The following PKP2 variants were observed in gnomAD, a reference collection of about 807,000 sequenced individuals.
PKP2 encodes plakophilin 2, also known as plakophilin-2.
A neutral mutation model predicts 83.4 loss-of-function variants in PKP2; 73 were observed. The observed-to-expected ratio is 0.88, with a 90% CI of 0.72 to 1.06. PKP2 has a LOEUF of 1.06. Among genes scored for constraint, PKP2 ranks in the 50% least tolerant of loss-of-function variants. The pLI, the probability that PKP2 is intolerant of heterozygous loss-of-function variation, is 0.00. For synonymous variants in PKP2, 409 were observed against 430.4 expected (o/e 0.95, Z 0.62); for missense variants, 966 against 1,065.4 (o/e 0.91, Z 1.30).
chr12:32,831,110 T>C lies in PKP2; in HGVS notation c.1557-6948A>G, dbSNP rs181357077. 1.3e-3 allele frequency among the ~76,000 whole-genome samples: 197 copies of C among 152,284 alleles called. 1 individual carries two copies. Among genetic ancestry groups the C allele is most frequent in the Admixed American group, 2.1e-3 (32 of 15,294 alleles). On this transcript the variant is annotated intron_variant, in intron 6 of 12. Transcript: ENST00000340811. ...ACAGCAAACTATAATTTTAAAAATA[T>C]ACCTAAGAGCTATTGCAACTTGAAT... is the stretch of plus-strand genomic sequence containing the variant.
rs1244391997 is a variant in PKP2, at chr12:32,791,768, CTTT to C, written c.*653_*655del. 6.6e-6 allele frequency: 1 copy of C among 152,082 alleles called. No homozygotes were observed. The highest frequency in any genetic ancestry group is 1.5e-5 in the Non-Finnish European group (1 of 68,010). 9.4% of individuals were successfully genotyped at this position (152,082 alleles called of 1,614,324 possible). A position where few individuals can be genotyped will look rare whatever the true frequency, so the allele number is the denominator to read the frequency against. On this transcript the variant is annotated 3_prime_UTR_variant, in exon 13 of 13. Transcript: ENST00000340811. ...TTTAAGTTCTGGGAGGAAAAGACTT[CTTT>C]AATTTGCTATGATCACTTCCTCTCA...
At chr12:32,810,581 G>GTTTC (rs1956267739) in intron 9 of PKP2, among the ~76,000 whole-genome samples, 1 of 151,738 alleles carries the variant, frequency 6.6e-6, no homozygotes. Flanking sequence ...TAAGAAAAGT[G>GTTTC]TTTTTTTAAT....
chr12:32,879,150 G>T, intron 1 of PKP2, 118 bp from the exon 2 acceptor site: 3 of 703,064 alleles, frequency 4.3e-6, no homozygotes, highest in Non-Finnish European at 7.8e-6. Context: ...CCAAGAACAA[G>T]TATTAAACGT....
At chr12:32,821,282 C>T (rs773390734) in intron 9 of PKP2, 74 bp downstream of exon 9, 69 of 1,307,470 alleles carry the variant, frequency 5.3e-5, no homozygotes, top group Non-Finnish European at 7.4e-5. Context: ...CTCACTGTTT[C>T]ATCTCTGAAT....
intron 6 of PKP2, among the ~76,000 whole-genome samples, chr12:32,839,976 C>T (rs1361471293): frequency 6.6e-6 from 1 of 152,206 alleles, no homozygotes; most frequent in Non-Finnish European, 1.5e-5. Flanking sequence ...TAGTGCCCTT[C>T]TGATCTCACC....
chr12:32,871,182 C>G (rs556393891), intron 3 of PKP2, among the ~76,000 whole-genome samples: 30 of 152,096 alleles, frequency 2.0e-4, no homozygotes, highest in Non-Finnish European at 4.0e-4. Flanking sequence ...TAATCCTTCT[C>G]TAAACACTGC....
rs768808114 is a variant in PKP2, at chr12:32,792,684, G to A, written c.2405C>T (p.Ser802Phe). The change falls in exon 12 of 13, where the codon TCT becomes TTT. Residue 802 changes from serine to phenylalanine, a missense_variant. Coordinates refer to ENST00000340811, the MANE Select transcript of PKP2 (RefSeq NM_001005242.3). ...ASKAASVLLY[S>F]LWAHTELHHA... ...ATGCAGTTCCGTGTGTGCCCACAGA[G>A]AATACAGAAGGACGGAAGCAGCTTT... The A allele has an allele frequency of 4.3e-6, 7 of 1,614,114 alleles. No individual in the cohort carries two copies. The East Asian group carries it at 1.3e-4, about 31-fold the overall frequency.
At position 32,840,994 on chromosome 12, in the gene PKP2, A is replaced by G. The variant is rs1203709678; in HGVS notation, c.1556+34T>C. On this transcript the variant is annotated intron_variant, in intron 6 of 12. Transcript: ENST00000340811. ...TTGGGGCTACCTAATTTTTTATTGCATCTTCTATCAGGGCAGGGTACAGGT... is the reference window on the plus strand; with the variant it reads ...TTGGGGCTACCTAATTTTTTATTGCGTCTTCTATCAGGGCAGGGTACAGGT... 1.9e-6 allele frequency: 3 copies of G among 1,566,964 alleles called. No individual in the cohort carries two copies. The Admixed American group carries it at 5.0e-5, about 26-fold the overall frequency.
rs2137996092 is a variant in PKP2, at chr12:32,892,212, T to A, written c.223+4297A>T. Among the ~76,000 whole-genome samples, 3 of 152,248 alleles carry A rather than the reference T, an allele frequency of 2.0e-5. No individual in the cohort carries two copies. The South Asian group carries it at 6.2e-4, about 32-fold the overall frequency. ...TCCTTTTTGTCAAAGGAAGAATTTATGCAGAATTTGAACAATGTCTAACTT... is the reference window on the plus strand; with the variant it reads ...TCCTTTTTGTCAAAGGAAGAATTTAAGCAGAATTTGAACAATGTCTAACTT... On this transcript the variant is annotated intron_variant, in intron 1 of 12. Coordinates refer to ENST00000340811, the MANE Select transcript of PKP2 (RefSeq NM_001005242.3).
At chr12:32,868,879 G>C (rs761005380) in intron 4 of PKP2, 48 bp downstream of exon 4, 2 of 1,588,018 alleles carry the variant, frequency 1.3e-6, no homozygotes, top group South Asian at 1.1e-5. Flanking sequence ...CACCATAATA[G>C]AAGTGAAAGT....
At chr12:32,885,107 A>T (rs771284275) in intron 1 of PKP2, among the ~76,000 whole-genome samples, 6 of 152,196 alleles carry the variant, frequency 3.9e-5, no homozygotes, top group Non-Finnish European at 5.9e-5. Flanking sequence ...TCAAATAACA[A>T]GCAATTCAGG....
At chr12:32,854,416 A>G (rs1956727472) in intron 4 of PKP2, among the ~76,000 whole-genome samples, 1 of 152,254 alleles carries the variant, frequency 6.6e-6, no homozygotes, top group African/African-American at 2.4e-5. Flanking sequence ...GATTTTAGTT[A>G]CTTTCATCCA....
At chr12:32,868,292 C>T (rs1190840871) in intron 4 of PKP2, among the ~76,000 whole-genome samples, 1 of 152,146 alleles carries the variant, frequency 6.6e-6, no homozygotes, top group African/African-American at 2.4e-5. Context: ...TGGCTCACTG[C>T]AGCCTCTGCC....
chr12:32,851,352 G>A (rs562425229), intron 4 of PKP2, among the ~76,000 whole-genome samples: 33 of 152,204 alleles, frequency 2.2e-4, no homozygotes, highest in African/African-American at 7.2e-4. Flanking sequence ...CCAAAATTAC[G>A]TAAGTTTTTT....
Position 32,888,916 on chromosome 12 carries a change from A to G in PKP2, c.223+7593T>C, listed in dbSNP as rs543492214. Among the ~76,000 whole-genome samples, 12 of 151,670 alleles carry G rather than the reference A, an allele frequency of 7.9e-5. No individual in the cohort carries two copies. In the South Asian group the frequency reaches 2.5e-3, roughly 31 times the overall value. ...GGCGATTCTCCTGTCTCGGCCTCTC[A>G]AAGTGCTGGGATTACAGGAAAGAGC... is the stretch of plus-strand genomic sequence containing the variant. On this transcript the variant is annotated intron_variant, in intron 1 of 12. Coordinates refer to ENST00000340811, the MANE Select transcript of PKP2 (RefSeq NM_001005242.3).
At chr12:32,800,749 A>G (rs1310982518) in intron 10 of PKP2, among the ~76,000 whole-genome samples, 2 of 152,218 alleles carry the variant, frequency 1.3e-5, no homozygotes, top group African/African-American at 4.8e-5. Flanking sequence ...TAGTAAGTTA[A>G]ACTACAGAAT....
chr12:32,840,102 A>G (rs1386029328), intron 6 of PKP2, among the ~76,000 whole-genome samples: 5 of 152,138 alleles, frequency 3.3e-5, no homozygotes, highest in Admixed American at 6.5e-5. Flanking sequence ...TGTTAAAACT[A>G]GATTGCTGGG....
intron 6 of PKP2, among the ~76,000 whole-genome samples, chr12:32,831,181 G>T (rs1181056326): frequency 1.3e-5 from 2 of 152,104 alleles, no homozygotes; most frequent in African/African-American, 2.4e-5. Flanking sequence ...GTCAGACCAG[G>T]AATAAGAAAG....
In PKP2 at chr12:32,796,318, A is replaced by AT; in HGVS notation, c.2168-21_2168-20insA. On this transcript the variant is annotated intron_variant, in intron 10 of 12. Coordinates refer to ENST00000340811, the MANE Select transcript of PKP2 (RefSeq NM_001005242.3). ...CTTTGGCTACAAAATGAAAAAAAAAACAAAACACTTGATTAAAAAGATTGT... is the reference window on the plus strand; with the variant it reads ...CTTTGGCTACAAAATGAAAAAAAAAATCAAAACACTTGATTAAAAAGATTGT... The AT allele has an allele frequency of 6.6e-7, 1 of 1,524,624 alleles. No homozygotes were observed. Among genetic ancestry groups the AT allele is most frequent in the Non-Finnish European group, 9.0e-7 (1 of 1,116,208 alleles). 94.4% of individuals were successfully genotyped at this position (1,524,624 alleles called of 1,614,324 possible). A position where few individuals can be genotyped will look rare whatever the true frequency, so the allele number is the denominator to read the frequency against.
Sources: allele counts gnomAD v4.1 joint callset (sites outside exome capture counted in the v4.1 genomes callset), GRCh38; gene constraint gnomAD v4.1.1; transcripts MANE v1.5; gene names NCBI Gene and HGNC (gene_info 2026-07-23, HGNC 2026-07-21).